Variants in EMILIN2 observed in about 807,000 individuals in gnomAD.
EMILIN2 encodes the protein elastin microfibril interfacer 2, also known as EMILIN-2.
A neutral mutation model predicts 87.1 loss-of-function variants in EMILIN2; 71 were observed. The observed-to-expected ratio is 0.82, with a 90% CI of 0.67 to 0.99. The LOEUF is 0.99. EMILIN2 is among the 50% of genes least tolerant of loss of function. EMILIN2 has a pLI of 0.00. For missense variants in EMILIN2, 1,407 were observed against 1,371.8 expected (o/e 1.03, Z -0.40); for synonymous variants, 581 against 563.4 (o/e 1.03, Z -0.44).
At chr18:2,868,578 G>A (rs548301967) in intron 2 of EMILIN2, among the ~76,000 whole-genome samples, 5 of 152,380 alleles carry the variant, frequency 3.3e-5, no homozygotes, top group African/African-American at 7.2e-5. Context: ...CGGATCACTC[G>A]CGGTTAGGAG....
At position 2,891,375 on chromosome 18, in the gene EMILIN2, C is replaced by A; in HGVS notation, c.1248C>A (p.Ile416=). ...GQQIKTLDQK[I]ERVAEATRML... Reference sequence around the variant, plus strand: ...AGATCAAGACATTGGACCAGAAAATCGAGAGAGTTGCTGAAGCCACCAGAA... The same window carrying A: ...AGATCAAGACATTGGACCAGAAAATAGAGAGAGTTGCTGAAGCCACCAGAA... Residue 416 remains isoleucine (I), a synonymous_variant, in exon 4 of 8, where the codon ATC becomes ATA. Coordinates refer to ENST00000254528, the MANE Select transcript of EMILIN2 (RefSeq NM_032048.3). The surrounding 1 kb of genome is among the most constrained non-coding windows in gnomAD (Gnocchi z 4.6). 10 of 1,614,146 alleles carry A rather than the reference C, an allele frequency of 6.2e-6. No individual in the cohort carries two copies. Among genetic ancestry groups the A allele is most frequent in the Non-Finnish European group, 7.6e-6 (9 of 1,180,040 alleles).
At chr18:2,860,883 A>T (rs917078890) in intron 2 of EMILIN2, among the ~76,000 whole-genome samples, 6 of 152,138 alleles carry the variant, frequency 3.9e-5, no homozygotes, top group African/African-American at 1.2e-4. Context: ...ATTTCTCCAC[A>T]TCCTCTCCAG....
chr18:2,887,608 G>A (rs554710442), intron 3 of EMILIN2, among the ~76,000 whole-genome samples: 79 of 152,122 alleles, frequency 5.2e-4, no homozygotes, highest in Non-Finnish European at 8.8e-4. Context: ...TTCACCTTCC[G>A]TCATGAGTAG....
chr18:2,879,846 G>A (rs890899333), intron 2 of EMILIN2, among the ~76,000 whole-genome samples: 3 of 151,944 alleles, frequency 2.0e-5, no homozygotes, highest in African/African-American at 7.2e-5. Context: ...GCTGGGATAA[G>A]AGGTGTGCAT....
chr18:2,867,130 C>G (rs993312186), intron 2 of EMILIN2, among the ~76,000 whole-genome samples: 1 of 152,058 alleles, frequency 6.6e-6, no homozygotes, highest in Non-Finnish European at 1.5e-5. Flanking sequence ...CATCTATGTT[C>G]ATCAGGGATA....
At chr18:2,859,256 C>A (rs1322594785) in intron 2 of EMILIN2, among the ~76,000 whole-genome samples, 2 of 152,050 alleles carry the variant, frequency 1.3e-5, no homozygotes, top group Admixed American at 1.3e-4. Flanking sequence ...TTGATTATGG[C>A]CATTCTTGCG....
Position 2,847,251 on chromosome 18 carries a change from C to A in EMILIN2, c.63C>A (p.Ala21=). 7.7e-7 allele frequency: 1 copy of A among 1,292,398 alleles called. No homozygotes were observed. 80.1% of individuals were successfully genotyped at this position (1,292,398 alleles called of 1,614,324 possible). ...GGCGCTGGGCGCTGGCGCTGCTGGCCCTGGTTGGCGCGGGGCTGTGCCACG... is the reference window on the plus strand; with the variant it reads ...GGCGCTGGGCGCTGGCGCTGCTGGCACTGGTTGGCGCGGGGCTGTGCCACG... The part of the protein sequence containing the change: ...VPWRWALALL[A]LVGAGLCHAG... Residue 21 remains alanine (A), a synonymous_variant, in exon 1 of 8, where the codon GCC becomes GCA. Transcript: ENST00000254528. This position sits in a 1 kb window ranked among gnomAD's most constrained non-coding sequence, Gnocchi z 4.5.
intron 4 of EMILIN2, among the ~76,000 whole-genome samples, chr18:2,901,566 C>T (rs2076888314): frequency 6.6e-6 from 1 of 152,214 alleles, no homozygotes; most frequent in South Asian, 2.1e-4. Context: ...GTGACCCTAC[C>T]CGACCCGTGC....
intron 3 of EMILIN2, among the ~76,000 whole-genome samples, chr18:2,885,994 T>G (rs567275849): frequency 2.0e-5 from 3 of 152,362 alleles, no homozygotes; most frequent in Non-Finnish European, 4.4e-5. Context: ...ACAAAAGTAA[T>G]GCACATCAAT....
chr18:2,911,647 CTG>C (rs1309341929), intron 7 of EMILIN2, among the ~76,000 whole-genome samples: 1 of 152,242 alleles, frequency 6.6e-6, no homozygotes, highest in East Asian at 1.9e-4. Flanking sequence ...ATCTGCCTGA[CTG>C]TAACAAGGCC....
intron 2 of EMILIN2, among the ~76,000 whole-genome samples, chr18:2,882,589 T>A (rs1256077318): frequency 1.3e-5 from 2 of 151,258 alleles, no homozygotes; most frequent in African/African-American, 4.9e-5. Context: ...TTAAAAAAAT[T>A]TTTTTAAATT....
intron 4 of EMILIN2, among the ~76,000 whole-genome samples, chr18:2,898,410 G>A (rs1484816464): frequency 6.6e-6 from 1 of 152,196 alleles, no homozygotes; most frequent in Non-Finnish European, 1.5e-5. Flanking sequence ...AGCCTCAGCT[G>A]GACCCTGCCT....
chr18:2,867,515 G>A (rs917649094), intron 2 of EMILIN2, among the ~76,000 whole-genome samples: 41 of 152,150 alleles, frequency 2.7e-4, no homozygotes, highest in African/African-American at 9.9e-4. Context: ...CAGTGTTTGT[G>A]TCCCTGGGTA....
intron 2 of EMILIN2, among the ~76,000 whole-genome samples, chr18:2,879,167 C>A (rs1334441573): frequency 1.3e-5 from 2 of 152,150 alleles, no homozygotes; most frequent in Non-Finnish European, 2.9e-5. Flanking sequence ...AAGACGTGAA[C>A]AGATGCGCGC....
At chr18:2,862,384 T>C (rs1294190716) in intron 2 of EMILIN2, among the ~76,000 whole-genome samples, 1 of 152,204 alleles carries the variant, frequency 6.6e-6, no homozygotes, top group Non-Finnish European at 1.5e-5. Context: ...CATAGATAGC[T>C]CTTATTATTT....
Position 2,891,673 on chromosome 18 carries a change from C to T in EMILIN2, c.1546C>T (p.Leu516Phe), listed in dbSNP as rs1484065489. ...GATGACCAATAACACTGGTGCAGAGCTCAGTCCCCCAGGGGCAGCAGCCCT... is the reference window on the plus strand; with the variant it reads ...GATGACCAATAACACTGGTGCAGAGTTCAGTCCCCCAGGGGCAGCAGCCCT... ...LQMTNNTGAE[L>F]SPPGAAALPG... is the part of the protein sequence containing the mutation. The change falls in exon 4 of 8, where the codon CTC becomes TTC. Residue 516 changes from leucine (L) to phenylalanine (F), a missense_variant. Transcript: ENST00000254528. The surrounding 1 kb of genome is among the most constrained non-coding windows in gnomAD (Gnocchi z 4.6). 2 of 1,614,006 alleles carry T rather than the reference C, an allele frequency of 1.2e-6. No individual in the cohort carries two copies. Among genetic ancestry groups the T allele is most frequent in the African/African-American group, 2.7e-5 (2 of 74,920 alleles).
chr18:2,870,551 G>A (rs775079174), intron 2 of EMILIN2, among the ~76,000 whole-genome samples: 4 of 152,232 alleles, frequency 2.6e-5, no homozygotes, highest in Non-Finnish European at 4.4e-5. Flanking sequence ...GACATAAAAG[G>A]TGGGAATGAG....
chr18:2,865,818 C>T (rs1185364970), intron 2 of EMILIN2, among the ~76,000 whole-genome samples: 6 of 152,212 alleles, frequency 3.9e-5, no homozygotes, highest in African/African-American at 1.2e-4. Context: ...GTGCAGTCTA[C>T]AGAGGCAGGC....
chr18:2,912,204 A>G (rs1049750005), intron 7 of EMILIN2, among the ~76,000 whole-genome samples: 1 of 149,504 alleles, frequency 6.7e-6, no homozygotes, highest in Admixed American at 6.6e-5. Flanking sequence ...ACGCCCATCT[A>G]ATTTTTTTTG....
Sources: allele counts gnomAD v4.1 joint callset (sites outside exome capture counted in the v4.1 genomes callset), GRCh38; gene constraint gnomAD v4.1.1; non-coding constraint Gnocchi (gnomAD v3.1); transcripts MANE v1.5; gene names NCBI Gene and HGNC (gene_info 2026-07-23, HGNC 2026-07-21).